ATP11C: variants seen among roughly 807,000 people sequenced by gnomAD.
ATP11C encodes the protein ATPase phospholipid transporting 11C (ATP11C blood group).
In ATP11C, 36 loss-of-function variants were observed where a neutral mutation model predicts 97.4. The observed-to-expected ratio is 0.37, with a 90% confidence interval of 0.28 to 0.49. The LOEUF (loss-of-function observed/expected upper bound fraction) is 0.49, where lower values mean the gene tolerates loss of function less well. ATP11C is among the 20% of genes least tolerant of loss of function. ATP11C has a pLI of 0.98. For synonymous variants in ATP11C, 275 were observed against 290.9 expected (o/e 0.95, Z 0.56); for missense variants, 730 against 824.6 (o/e 0.89, Z 1.40).
chrX:139,883,329 T>C (rs755358725), intron 1 of ATP11C, among the ~76,000 whole-genome samples: 2 of 109,634 alleles, frequency 1.8e-5, no homozygotes, highest in Non-Finnish European at 3.8e-5. Context: ...ACCCTCTCCA[T>C]CAATCTAGAA....
At chrX:139,735,263 T>C (rs1439299183) in intron 28 of ATP11C, among the ~76,000 whole-genome samples, 1 of 111,803 alleles carries the variant, frequency 8.9e-6, no homozygotes, top group Non-Finnish European at 1.9e-5. Flanking sequence ...TCAAATGCCA[T>C]AGAGACATTT....
intron 16 of ATP11C, among the ~76,000 whole-genome samples, chrX:139,783,644 G>A (rs1176320834): frequency 9.0e-6 from 1 of 111,534 alleles, no homozygotes; most frequent in African/African-American, 3.3e-5. Flanking sequence ...AGGCTGAAGT[G>A]GGAGGATCAC....
intron 1 of ATP11C, among the ~76,000 whole-genome samples, chrX:139,903,117 T>C (rs1357992373): frequency 8.9e-6 from 1 of 111,828 alleles, no homozygotes; most frequent in Non-Finnish European, 1.9e-5. Context: ...ATTCATATAC[T>C]ATGATGGGCT....
chrX:139,897,088 A>G (rs1043904471), intron 1 of ATP11C, among the ~76,000 whole-genome samples: 1 of 108,987 alleles, frequency 9.2e-6, no homozygotes, highest in Non-Finnish European at 1.9e-5. Context: ...TTAGCTGGGC[A>G]TGGTGGTGCA....
At chrX:139,828,913 AT>A (rs1450448097) in intron 1 of ATP11C, among the ~76,000 whole-genome samples, 1 of 112,178 alleles carries the variant, frequency 8.9e-6, no homozygotes, top group African/African-American at 3.2e-5. Flanking sequence ...GCACAATACA[AT>A]TTTTTTAGGC....
chrX:139,897,262 T>A (rs2084825195), intron 1 of ATP11C, among the ~76,000 whole-genome samples: 1 of 111,213 alleles, frequency 9.0e-6, no homozygotes, highest in South Asian at 3.8e-4. Context: ...CATATACAGG[T>A]ATCCCAAAAT....
At position 139,750,125 on chromosome X, in the gene ATP11C, T is replaced by C; in HGVS notation, c.2728A>G (p.Met910Val). The stretch of plus-strand genomic sequence containing the variant: ...AAGGATGTGAAGCAGATATTGTACA[T>C]TGTAAGGTAAGCAGCATCATACAGT... Reference protein sequence around the residue: ...QPLYDAAYLTMYNICFTSLPI... With the variant: ...QPLYDAAYLTVYNICFTSLPI... The change falls in exon 24 of 30, where the codon ATG (methionine) becomes GTG (valine). Residue 910 changes from methionine to valine, a missense_variant. By Grantham distance (21) the Met-to-Val change is conservative. Coordinates refer to ENST00000682941, the MANE Select transcript of ATP11C (RefSeq NM_001353812.2). 2 of 1,201,688 alleles carry C rather than the reference T, an allele frequency of 1.7e-6. No individual in the cohort carries two copies. Among genetic ancestry groups the C allele is most frequent in the Non-Finnish European group, 1.1e-6 (1 of 888,930 alleles).
Position 139,776,865 on chromosome X carries a change from G to A in ATP11C, c.1953-1912C>T, listed in dbSNP as rs1034205396. Among the ~76,000 whole-genome samples the A allele has an allele frequency of 1.7e-4, 19 of 111,763 alleles. 1 individual carries two copies. The highest frequency in any genetic ancestry group is 4.7e-4 in the Admixed American group (5 of 10,552). ...CCCTTGCATCCAATACATCACTACA[G>A]CAAACAGCATCTGAGAAAGCCACTG... On this transcript the variant is annotated intron_variant, in intron 18 of 29. Transcript: ENST00000682941.
intron 1 of ATP11C, among the ~76,000 whole-genome samples, chrX:139,893,250 G>A (rs964354861): frequency 9.0e-6 from 1 of 110,814 alleles, no homozygotes; most frequent in Non-Finnish European, 1.9e-5. Context: ...ACTAGAGATG[G>A]GGTTTCACCA....
At chrX:139,902,383 T>A (rs1226925855) in intron 1 of ATP11C, among the ~76,000 whole-genome samples, 1 of 111,380 alleles carries the variant, frequency 9.0e-6, no homozygotes, top group East Asian at 2.8e-4. Flanking sequence ...ACTGGACCTA[T>A]CTCAGATATC....
intron 1 of ATP11C, among the ~76,000 whole-genome samples, chrX:139,925,398 G>A (rs1334694381): frequency 9.3e-6 from 1 of 108,030 alleles, no homozygotes; most frequent in African/African-American, 3.4e-5. Flanking sequence ...TGATTCTCCC[G>A]CCTCAGCCTC....
chrX:139,854,337 C>T (rs896849494), intron 1 of ATP11C, among the ~76,000 whole-genome samples: 11 of 112,328 alleles, frequency 9.8e-5, no homozygotes, highest in Admixed American at 7.5e-4. Flanking sequence ...TAAAAGTTAA[C>T]GTATTATCCT....
intron 8 of ATP11C, 33 bp downstream of exon 8, chrX:139,800,027 C>A (rs1336890721): frequency 1.0e-5 from 5 of 484,887 alleles, no homozygotes; most frequent in Admixed American, 2.9e-5. Context: ...CCCCCCCCAA[C>A]CAAAGGACAA....
intron 3 of ATP11C, among the ~76,000 whole-genome samples, chrX:139,818,758 T>C (rs2147852483): frequency 8.9e-6 from 1 of 112,315 alleles, no homozygotes; most frequent in African/African-American, 3.2e-5. Context: ...TAGTAAAATT[T>C]TCAGGGGTAA....
chrX:139,860,490 C>G (rs1487754202), intron 1 of ATP11C, among the ~76,000 whole-genome samples: 1 of 111,880 alleles, frequency 8.9e-6, no homozygotes, highest in Non-Finnish European at 1.9e-5. Context: ...TATCCTGTAC[C>G]TCATTTGAGG....
intron 1 of ATP11C, among the ~76,000 whole-genome samples, chrX:139,907,592 C>CA (rs1196476100): frequency 2.7e-5 from 3 of 109,601 alleles, no homozygotes; most frequent in Non-Finnish European, 5.7e-5. Context: ...ACTAAAAATA[C>CA]AAAAAATTAG....
At chrX:139,900,870 G>A (rs2084889669) in intron 1 of ATP11C, among the ~76,000 whole-genome samples, 1 of 111,894 alleles carries the variant, frequency 8.9e-6, no homozygotes, top group Admixed American at 9.5e-5. Flanking sequence ...CCTTCAATAT[G>A]GTATTAGAAG....
intron 1 of ATP11C, among the ~76,000 whole-genome samples, chrX:139,899,319 A>G (rs778246773): frequency 1.1e-4 from 12 of 110,280 alleles, no homozygotes; most frequent in Admixed American, 3.9e-4. Flanking sequence ...CATCTCTACT[A>G]AAAATACAAA....
chrX:139,756,482 C>T lies in ATP11C; in HGVS notation c.2700+1326G>A, dbSNP rs1036005426. ...CAGCAATCCCATTACTGGGTATATACCCAAAGGAATATAAATTATTCTACC... is the reference window on the plus strand; with the variant it reads ...CAGCAATCCCATTACTGGGTATATATCCAAAGGAATATAAATTATTCTACC... On this transcript the variant is annotated intron_variant, in intron 23 of 29. Transcript: ENST00000682941. 4.5e-5 allele frequency among the ~76,000 whole-genome samples: 5 copies of T among 111,675 alleles called. No homozygotes were observed. The Admixed American group carries it at 4.7e-4, about 11-fold the overall frequency.
Sources: allele counts gnomAD v4.1 joint callset (sites outside exome capture counted in the v4.1 genomes callset), GRCh38; gene constraint gnomAD v4.1.1; transcripts MANE v1.5; gene names NCBI Gene and HGNC (gene_info 2026-07-23, HGNC 2026-07-21).